AOPEP: variants seen among roughly 807,000 people sequenced by gnomAD.
AOPEP encodes the protein aminopeptidase O (putative).
AOPEP carries 77 observed loss-of-function variants against 98.1 expected under a neutral mutation model. The ratio of observed to expected loss-of-function variants is 0.78; its 90% CI spans 0.65 to 0.95. The LOEUF (loss-of-function observed/expected upper bound fraction) is 0.95, where lower values mean the gene tolerates loss of function less well. AOPEP is among the 40% of genes least tolerant of loss of function. The pLI is 0.00. For missense variants in AOPEP, 1,024 were observed against 1,024.7 expected, an observed-to-expected ratio of 1.00 and a Z score of 0.01; for synonymous variants, 346 against 365.3, an observed-to-expected ratio of 0.95 and a Z score of 0.60.
At chr9:95,102,856 C>T in the AOPEP span, among the ~76,000 whole-genome samples, 4 of 152,330 alleles carry the variant, frequency 2.6e-5, no homozygotes, top group Admixed American at 6.5e-5. Context: ...TGGACCATGA[C>T]GTTCGCTCTC....
At position 94,861,754 on chromosome 9, in the gene AOPEP, A is replaced by G. The variant is rs190533922; in HGVS notation, c.1364+60752A>G. Among the ~76,000 whole-genome samples, 16 of 152,348 alleles carry G rather than the reference A, an allele frequency of 1.1e-4. No individual in the cohort carries two copies. In the East Asian group the frequency reaches 3.1e-3, roughly 29 times the overall value. On this transcript the variant is annotated intron_variant, in intron 5 of 16. Transcript: ENST00000375315. ...GAATGTGCAGGCCCTCTCATCAGCC[A>G]GTGCTTGACGAGTAGTACACCTGGT...
At chr9:95,076,407 T>G (rs2069072773) in intron 14 of AOPEP, among the ~76,000 whole-genome samples, 1 of 152,216 alleles carries the variant, frequency 6.6e-6, no homozygotes, top group Non-Finnish European at 1.5e-5. Context: ...CAGAGGTTGT[T>G]TTCAGTCTTT....
chr9:95,129,717 C>T, the AOPEP span, among the ~76,000 whole-genome samples: 1 of 152,200 alleles, frequency 6.6e-6, no homozygotes, highest in Admixed American at 6.5e-5. Context: ...CATTTCAACT[C>T]GAGGGGAGCT....
At chr9:95,107,587 GA>G in the AOPEP span, 1 of 463,998 alleles carries the variant, frequency 2.2e-6, no homozygotes, top group Non-Finnish European at 3.9e-6. Flanking sequence ...GTGGGAAAAA[GA>G]ACAAAAGGCT....
chr9:94,894,205 A>C (rs1231741910), intron 5 of AOPEP, among the ~76,000 whole-genome samples: 1 of 152,212 alleles, frequency 6.6e-6, no homozygotes, highest in African/African-American at 2.4e-5. Flanking sequence ...AAAAGAAAGA[A>C]AGATCAAAGC....
chr9:95,042,841 G>A (rs370787540), intron 13 of AOPEP, among the ~76,000 whole-genome samples: 2 of 152,164 alleles, frequency 1.3e-5, no homozygotes, highest in East Asian at 1.9e-4. Context: ...TAATCCATCT[G>A]TAATTTTAAT....
intron 13 of AOPEP, among the ~76,000 whole-genome samples, chr9:95,007,981 G>GT (rs1294791999): frequency 6.6e-6 from 1 of 152,226 alleles, no homozygotes; most frequent in Non-Finnish European, 1.5e-5. Context: ...CATGTCACAA[G>GT]TAGAAGCAGA....
At chr9:95,101,966 C>T in the AOPEP span, 2 of 1,196,778 alleles carry the variant, frequency 1.7e-6, no homozygotes, top group Non-Finnish European at 2.4e-6. Flanking sequence ...CCAGCATTTC[C>T]ATCAGTTCCA....
chr9:94,848,225 G>A (rs1471569297), intron 5 of AOPEP, among the ~76,000 whole-genome samples: 1 of 152,050 alleles, frequency 6.6e-6, no homozygotes, highest in East Asian at 1.9e-4. Flanking sequence ...GGCCAAGGCG[G>A]GCGGGTCACA....
intron 5 of AOPEP, among the ~76,000 whole-genome samples, chr9:94,813,525 C>T (rs415016): frequency 0.14 from 21,465 of 152,216 alleles, 1,666 homozygotes; most frequent in Admixed American, 0.19. Flanking sequence ...TCCCCCTCAC[C>T]AGCCTGTGCT....
At chr9:94,860,588 G>T (rs920111920) in intron 5 of AOPEP, among the ~76,000 whole-genome samples, 2 of 152,128 alleles carry the variant, frequency 1.3e-5, no homozygotes, top group Non-Finnish European at 2.9e-5. Context: ...GGGGAAAATT[G>T]GAGAGTTCCA....
intron 11 of AOPEP, among the ~76,000 whole-genome samples, chr9:94,987,405 G>T (rs1299337953): frequency 6.6e-6 from 1 of 152,236 alleles, no homozygotes; most frequent in Non-Finnish European, 1.5e-5. Context: ...AAGGTGTGCT[G>T]CTGGGAAACT....
chr9:94,730,927 TAAAG>T (rs1587928050), intron 1 of AOPEP, among the ~76,000 whole-genome samples: 1 of 152,168 alleles, frequency 6.6e-6, no homozygotes, highest in Non-Finnish European at 1.5e-5. Flanking sequence ...CTTGTAATGT[TAAAG>T]AAAAAAAAGA....
the AOPEP span, chr9:95,135,631 A>G: frequency 1.3e-6 from 1 of 743,548 alleles, no homozygotes; most frequent in South Asian, 1.7e-5. Context: ...GCAGTGGCTA[A>G]TAATTTATAG....
intron 5 of AOPEP, among the ~76,000 whole-genome samples, chr9:94,871,320 C>T (rs1458203016): frequency 5.9e-5 from 9 of 152,184 alleles, no homozygotes; most frequent in Admixed American, 6.5e-5. Context: ...ATCATCTACC[C>T]AGGAACCTCT....
At chr9:95,071,528 A>C (rs1587907792) in intron 14 of AOPEP, among the ~76,000 whole-genome samples, 1 of 152,264 alleles carries the variant, frequency 6.6e-6, no homozygotes, top group East Asian at 1.9e-4. Flanking sequence ...AAGGAGCCAT[A>C]CGTGCTTTTC....
intron 9 of AOPEP, among the ~76,000 whole-genome samples, chr9:94,960,971 G>A (rs897762231): frequency 2.7e-5 from 4 of 145,536 alleles, no homozygotes; most frequent in East Asian, 2.0e-4. Flanking sequence ...GAGATTGCGC[G>A]CCACTGCACT....
At chr9:95,068,023 C>A (rs1286548467) in intron 14 of AOPEP, among the ~76,000 whole-genome samples, 1 of 152,126 alleles carries the variant, frequency 6.6e-6, no homozygotes, top group Non-Finnish European at 1.5e-5. Context: ...TACTTCATTC[C>A]TTTTTATTGC....
At chr9:94,859,766 C>T (rs1194592078) in intron 5 of AOPEP, among the ~76,000 whole-genome samples, 1 of 152,206 alleles carries the variant, frequency 6.6e-6, no homozygotes, top group Non-Finnish European at 1.5e-5. Context: ...GTGCTACTTA[C>T]TTATTCTAGG....
Sources: allele counts gnomAD v4.1 joint callset (sites outside exome capture counted in the v4.1 genomes callset), GRCh38; gene constraint gnomAD v4.1.1; transcripts MANE v1.5; gene names NCBI Gene and HGNC (gene_info 2026-07-23, HGNC 2026-07-21).